Variants in EPHB1 observed in about 807,000 individuals in gnomAD.
EPHB1 encodes the protein EPH receptor B1.
A neutral mutation model predicts 94.4 loss-of-function variants in EPHB1; 30 were observed. The observed-to-expected ratio is 0.32, with a 90% CI of 0.24 to 0.43. The LOEUF is 0.43. Among genes scored for constraint, EPHB1 ranks in the 20% least tolerant of loss-of-function variants. EPHB1 has a pLI of 1.00. For synonymous variants in EPHB1, 522 were observed against 489.1 expected (o/e 1.07, Z -0.89); for missense variants, 1,055 against 1,308.3 (o/e 0.81, Z 2.99).
intron 12 of EPHB1, among the ~76,000 whole-genome samples, chr3:135,228,593 G>A (rs1029923418): frequency 6.6e-6 from 1 of 152,096 alleles, no homozygotes; most frequent in Non-Finnish European, 1.5e-5. Flanking sequence ...AAGCATCAAT[G>A]TTTTTTCCCA....
chr3:134,841,637 A>G (rs2036780266), intron 1 of EPHB1: 1 of 152,214 alleles, frequency 6.6e-6, no homozygotes, highest in Non-Finnish European at 1.5e-5. Context: ...GCTGACTGAA[A>G]CTATGAGAAG....
rs148447911 is a variant in EPHB1, at chr3:134,812,279, C to T, written c.58+16590C>T. ...ATGTCCCTTCATGGTCATGTGCCTC[C>T]CTTCACTGCTGACCCTTGGCAACCA... is the stretch of plus-strand genomic sequence containing the variant. On this transcript the variant is annotated intron_variant, in intron 1 of 15. Coordinates refer to ENST00000398015, the MANE Select transcript of EPHB1 (RefSeq NM_004441.5). Among the ~76,000 whole-genome samples, 479 of 152,298 alleles carry T rather than the reference C, an allele frequency of 3.1e-3. 3 individuals carry two copies. Among genetic ancestry groups the T allele is most frequent in the African/African-American group, 0.011 (456 of 41,564 alleles).
chr3:135,048,859 C>T (rs1937087209), intron 3 of EPHB1, among the ~76,000 whole-genome samples: 1 of 152,194 alleles, frequency 6.6e-6, no homozygotes, highest in Admixed American at 6.5e-5. Flanking sequence ...AAATGCCCAA[C>T]CAATAGTCAG....
intron 9 of EPHB1, among the ~76,000 whole-genome samples, 195 bp from the exon 10 acceptor site, chr3:135,179,665 A>C (rs996465879): frequency 6.6e-6 from 1 of 152,210 alleles, no homozygotes; most frequent in African/African-American, 2.4e-5. Context: ...TAGAGGACAG[A>C]GAATCAGTCT....
chr3:135,000,552 T>A (rs1935139502), intron 3 of EPHB1, among the ~76,000 whole-genome samples: 1 of 152,214 alleles, frequency 6.6e-6, no homozygotes, highest in South Asian at 2.1e-4. Flanking sequence ...TTCAAACAAA[T>A]AATTAATCAT....
At chr3:135,226,835 AG>A (rs112174204) in intron 12 of EPHB1, among the ~76,000 whole-genome samples, 507 of 151,354 alleles carry the variant, frequency 3.3e-3, no homozygotes, top group Non-Finnish European at 5.6e-3. Context: ...ACAGTCATTA[AG>A]GAAAAAAAAA....
At chr3:135,042,437 TGTAA>T (rs1031611699) in intron 3 of EPHB1, among the ~76,000 whole-genome samples, 57 of 152,356 alleles carry the variant, frequency 3.7e-4, no homozygotes, top group Non-Finnish European at 6.6e-4. Context: ...AGTATTTTAG[TGTAA>T]GTATGACCCA....
At chr3:135,153,321 C>T (rs1445059676) in intron 5 of EPHB1, among the ~76,000 whole-genome samples, 1 of 152,188 alleles carries the variant, frequency 6.6e-6, no homozygotes, top group Non-Finnish European at 1.5e-5. Flanking sequence ...CATTACCCAC[C>T]TCTTCCCCTA....
chr3:135,109,181 T>C (rs1160233868), intron 4 of EPHB1, among the ~76,000 whole-genome samples: 5 of 152,188 alleles, frequency 3.3e-5, no homozygotes, highest in Admixed American at 3.3e-4. Flanking sequence ...AATCCTGGCA[T>C]CCCCAAACTG....
chr3:135,112,576 T>C (rs143627787), intron 4 of EPHB1, among the ~76,000 whole-genome samples: 2 of 125,414 alleles, frequency 1.6e-5, no homozygotes, highest in African/African-American at 3.1e-5. Context: ...TGTGTGATAT[T>C]CCCCTTCCTG....
chr3:135,169,385 G>GT (rs371134852), intron 9 of EPHB1, among the ~76,000 whole-genome samples: 119 of 152,202 alleles, frequency 7.8e-4, no homozygotes, highest in African/African-American at 2.5e-3. Flanking sequence ...TTTTAATTCG[G>GT]TTTGCCTTTT....
At chr3:134,971,944 G>A (rs191691268) in intron 3 of EPHB1, among the ~76,000 whole-genome samples, 2 of 152,304 alleles carry the variant, frequency 1.3e-5, no homozygotes, top group Middle Eastern at 3.4e-3. Flanking sequence ...ACCTGTGAGG[G>A]TGAGAGGAAC....
intron 5 of EPHB1, among the ~76,000 whole-genome samples, chr3:135,144,682 C>T (rs1489276654): frequency 2.0e-5 from 3 of 152,114 alleles, no homozygotes; most frequent in African/African-American, 4.8e-5. Context: ...GGCACGGAAC[C>T]GAAACCCTTA....
chr3:135,178,689 G>C lies in EPHB1; in HGVS notation c.1760-1171G>C, dbSNP rs1272659342. Among the ~76,000 whole-genome samples the C allele has an allele frequency of 3.9e-5, 6 of 152,020 alleles. No individual in the cohort carries two copies. In the South Asian group the frequency reaches 1.0e-3, roughly 26 times the overall value. On this transcript the variant is annotated intron_variant, in intron 9 of 15. Transcript: ENST00000398015. ...GGCAAGGGGTGGGGAACATGAAGAG[G>C]GGGGAGGTGCTAAAATGGAGCTCAT...
At chr3:134,909,027 T>C (rs913967025) in intron 1 of EPHB1, among the ~76,000 whole-genome samples, 1 of 147,752 alleles carries the variant, frequency 6.8e-6, no homozygotes, top group South Asian at 2.2e-4. Context: ...TAACCCACTT[T>C]TTCGCTGGGC....
At chr3:134,837,163 C>T (rs936750009) in intron 1 of EPHB1, among the ~76,000 whole-genome samples, 8 of 152,132 alleles carry the variant, frequency 5.3e-5, no homozygotes, top group African/African-American at 1.4e-4. Flanking sequence ...CTGGAGAATA[C>T]GAGCAACCAG....
chr3:134,957,737 G>A (rs1933338486), intron 3 of EPHB1, among the ~76,000 whole-genome samples: 1 of 152,076 alleles, frequency 6.6e-6, no homozygotes, highest in South Asian at 2.1e-4. Flanking sequence ...GAATGCCAGG[G>A]GTACCACTAC....
intron 3 of EPHB1, among the ~76,000 whole-genome samples, chr3:134,983,215 C>T (rs1934473857): frequency 6.6e-6 from 1 of 152,178 alleles, no homozygotes; most frequent in South Asian, 2.1e-4. Flanking sequence ...TGTGTGTGTA[C>T]CCCTGAATAT....
intron 3 of EPHB1, among the ~76,000 whole-genome samples, chr3:134,996,222 A>ATCAC (rs1934990478): frequency 6.6e-6 from 1 of 152,166 alleles, no homozygotes; most frequent in Non-Finnish European, 1.5e-5. Context: ...AAAACAGGGT[A>ATCAC]TCACTCTGCC....
Sources: gnomAD v4.1 joint callset for allele counts (sites outside exome capture counted in the v4.1 genomes callset) on GRCh38, gnomAD v4.1.1 for gene constraint, MANE v1.5 for transcripts, NCBI Gene and HGNC (gene_info 2026-07-23, HGNC 2026-07-21) for gene names.